NUAK1: variants seen among roughly 807,000 people sequenced by gnomAD.
The protein encoded by NUAK1 is NUAK family kinase 1, also known as NUAK family SNF1-like kinase 1.
In NUAK1, 26 loss-of-function variants were observed where a neutral mutation model predicts 56.9. The observed-to-expected ratio is 0.46, with a 90% CI of 0.33 to 0.63. The LOEUF (loss-of-function observed/expected upper bound fraction) is 0.63, where lower values mean the gene tolerates loss of function less well. Ranked by LOEUF, NUAK1 falls within the 30% of genes least tolerant of loss-of-function variation. The pLI is 0.02. For synonymous variants in NUAK1, 337 were observed against 336.0 expected, an observed-to-expected ratio of 1.00 and a Z score of -0.03; for missense variants, 727 against 876.1, an observed-to-expected ratio of 0.83 and a Z score of 2.15.
chr12:106,116,869 G>T (rs1180370057), intron 1 of NUAK1, among the ~76,000 whole-genome samples: 1 of 152,210 alleles, frequency 6.6e-6, no homozygotes, highest in Non-Finnish European at 1.5e-5. Flanking sequence ...GGACCAGGTG[G>T]GCAAAAGGCA....
chr12:106,086,636 G>A, intron 3 of NUAK1, 98 bp downstream of exon 3: 1 of 1,166,398 alleles, frequency 8.6e-7, no homozygotes. Flanking sequence ...CTCCATACAT[G>A]CTCCCATGAA....
chr12:106,136,711 T>C (rs766581304), intron 1 of NUAK1, among the ~76,000 whole-genome samples: 8 of 152,222 alleles, frequency 5.3e-5, no homozygotes, highest in Non-Finnish European at 1.2e-4. Context: ...TGCGTCTGTT[T>C]TTCATTATTC....
At position 106,063,682 on chromosome 12, in the gene NUAK1, A is replaced by AT. The variant is rs35719392; in HGVS notation, c.*3119dup. 8.4e-4 allele frequency: 124 copies of AT among 148,386 alleles called. 1 individual carries two copies. The highest frequency in any genetic ancestry group is 4.2e-3 in the East Asian group (21 of 5,018). The allele number at this position is 148,386 out of a possible 1,614,324, so 9.2% of individuals were successfully genotyped here. A position where few individuals can be genotyped will look rare whatever the true frequency, so the allele number is the denominator to read the frequency against. ...AAATTAAATAAAAGTCACAATGTGG[A>AT]TTTTTTTTTTTTTTTAATGTGCAGT... On this transcript the variant is annotated 3_prime_UTR_variant, in exon 7 of 7. Transcript: ENST00000261402.
intron 1 of NUAK1, among the ~76,000 whole-genome samples, chr12:106,122,421 A>G (rs1458431276): frequency 6.6e-6 from 1 of 152,220 alleles, no homozygotes; most frequent in Non-Finnish European, 1.5e-5. Context: ...AATGGGGATG[A>G]TAATGGTGTT....
intron 1 of NUAK1, among the ~76,000 whole-genome samples, chr12:106,119,839 C>G (rs533303765): frequency 1.5e-4 from 23 of 152,106 alleles, no homozygotes; most frequent in Non-Finnish European, 2.9e-4. Context: ...TCAAACTCAT[C>G]AAGAAAAAGT....
chr12:106,067,059 C>T lies in NUAK1; in HGVS notation c.1729G>A (p.Val577Met), dbSNP rs768722408. 40 of 1,614,116 alleles carry T rather than the reference C, an allele frequency of 2.5e-5. No individual in the cohort carries two copies. The highest frequency in any genetic ancestry group is 7.7e-5 in the South Asian group (7 of 91,094). Reference sequence around the variant, plus strand: ...AAGTCAAAAGAGTCGCTGGACAGCACGCTGTCATCGCTGATGACACTGGAA... The same window carrying T: ...AAGTCAAAAGAGTCGCTGGACAGCATGCTGTCATCGCTGATGACACTGGAA... The part of the protein sequence containing the change: ...RPSSVISDDS[V>M]LSSDSFDLLD... The change falls in exon 7 of 7, where the codon GTG becomes ATG. Residue 577 changes from valine (V) to methionine (M), a missense_variant. Physicochemically the swap from Val to Met is conservative, Grantham distance 21. Coordinates refer to ENST00000261402, the MANE Select transcript of NUAK1 (RefSeq NM_014840.3). The surrounding 1 kb of genome is among the most constrained non-coding windows in gnomAD (Gnocchi z 6.0).
intron 1 of NUAK1, among the ~76,000 whole-genome samples, chr12:106,125,483 C>T (rs186795167): frequency 2.5e-4 from 38 of 152,158 alleles, no homozygotes; most frequent in African/African-American, 9.2e-4. Context: ...TGGACTTCCT[C>T]TAAGCCTCTG....
At chr12:106,112,834 T>C (rs2032877532) in intron 1 of NUAK1, among the ~76,000 whole-genome samples, 1 of 152,096 alleles carries the variant, frequency 6.6e-6, no homozygotes, top group Non-Finnish European at 1.5e-5. Context: ...CTTCAAAGAG[T>C]GGCATCCCCT....
At chr12:106,094,065 T>C (rs2032667890) in intron 2 of NUAK1, among the ~76,000 whole-genome samples, 1 of 150,732 alleles carries the variant, frequency 6.6e-6, no homozygotes, top group Non-Finnish European at 1.5e-5. Context: ...CACCTCAGCC[T>C]CCCAAAGTGC....
In NUAK1 at chr12:106,065,586, T is replaced by G. The variant is rs1289835340; in HGVS notation, c.*1216A>C. ...CCTGATTTTCCTTTCCTCATCCCAA[T>G]ATCCCATCTACATGCTAACTCCCTA... On this transcript the variant is annotated 3_prime_UTR_variant, in exon 7 of 7. Transcript: ENST00000261402. 2.0e-5 allele frequency: 3 copies of G among 152,246 alleles called. No homozygotes were observed. Among genetic ancestry groups the G allele is most frequent in the Non-Finnish European group, 4.4e-5 (3 of 68,034 alleles). 9.4% of individuals were successfully genotyped at this position (152,246 alleles called of 1,614,324 possible).
At chr12:106,116,735 C>A (rs767492477) in intron 1 of NUAK1, among the ~76,000 whole-genome samples, 1 of 152,206 alleles carries the variant, frequency 6.6e-6, no homozygotes, top group Non-Finnish European at 1.5e-5. Flanking sequence ...AACCTCTGGA[C>A]ATGAAGGCCC....
chr12:106,093,521 C>T (rs1455990220), intron 2 of NUAK1, among the ~76,000 whole-genome samples: 2 of 152,152 alleles, frequency 1.3e-5, no homozygotes, highest in African/African-American at 2.4e-5. Context: ...CTGCAGCTCT[C>T]GAGGTTAACA....
chr12:106,126,831 G>A (rs1188298262), intron 1 of NUAK1, among the ~76,000 whole-genome samples: 1 of 152,158 alleles, frequency 6.6e-6, no homozygotes, highest in African/African-American at 2.4e-5. Flanking sequence ...AAAGCCTTGG[G>A]AAGAATAAGT....
intron 3 of NUAK1, 126 bp from the exon 4 acceptor site, chr12:106,084,055 G>A (rs867058527): frequency 1.9e-5 from 15 of 780,688 alleles, no homozygotes; most frequent in Middle Eastern, 4.8e-4. Context: ...CCAGCCCGGT[G>A]GTCTTCACCT....
rs201607065 is a variant in NUAK1 at position 106,119,987 on chromosome 12, A to AT, written c.241-13463_241-13462insA. Among the ~76,000 whole-genome samples the AT allele has an allele frequency of 1.3e-3, 205 of 151,890 alleles. 6 individuals carry two copies. The East Asian group carries it at 0.031, about 23-fold the overall frequency. ...GGTGAGCTTCAATTATCTGGAAAAA[A>AT]ATATATTTAGAGCTCTCTATTATAA... On this transcript the variant is annotated intron_variant, in intron 1 of 6. Coordinates refer to ENST00000261402, the MANE Select transcript of NUAK1 (RefSeq NM_014840.3).
intron 1 of NUAK1, among the ~76,000 whole-genome samples, chr12:106,133,538 G>A (rs919085763): frequency 6.6e-6 from 1 of 152,124 alleles, no homozygotes; most frequent in East Asian, 1.9e-4. Flanking sequence ...TCTGACCCTT[G>A]GCAAGTTACC....
In NUAK1 at chr12:106,138,568, C is replaced by A; in HGVS notation, c.86G>T (p.Gly29Val). 1.2e-6 allele frequency: 2 copies of A among 1,604,536 alleles called. No individual in the cohort carries two copies. Among genetic ancestry groups the A allele is most frequent in the Non-Finnish European group, 8.5e-7 (1 of 1,178,700 alleles). ...CCTGGGCTCCAGGGCTGCAGTCGCC[C>A]CCGCCACCGCCTCTCGGGGAGAGCC... ...APGSPREAVA[G>V]ATAALEPRKP... The change falls in exon 1 of 7, where the codon GGG (glycine) becomes GTG (valine). Residue 29 changes from glycine (G) to valine (V), a missense_variant. By Grantham distance (109) the Gly-to-Val change is moderately radical (BLOSUM62 -3). Coordinates refer to ENST00000261402, the MANE Select transcript of NUAK1 (RefSeq NM_014840.3). The surrounding 1 kb of genome is among the most constrained non-coding windows in gnomAD (Gnocchi z 5.0).
chr12:106,103,759 T>G (rs774398601), intron 2 of NUAK1, among the ~76,000 whole-genome samples: 1 of 152,140 alleles, frequency 6.6e-6, no homozygotes. Flanking sequence ...AATTTAATCA[T>G]GGGGACAGTT....
chr12:106,111,166 G>C (rs1478425588), intron 1 of NUAK1, among the ~76,000 whole-genome samples: 1 of 152,128 alleles, frequency 6.6e-6, no homozygotes, highest in African/African-American at 2.4e-5. Context: ...TTGTTGTGAG[G>C]AGTGGAAACT....
Sources: allele counts gnomAD v4.1 joint callset (sites outside exome capture counted in the v4.1 genomes callset), GRCh38; gene constraint gnomAD v4.1.1; non-coding constraint Gnocchi (gnomAD v3.1); transcripts MANE v1.5; gene names NCBI Gene and HGNC (gene_info 2026-07-23, HGNC 2026-07-21).